PTPRD: variants seen among roughly 807,000 people sequenced by gnomAD.
PTPRD encodes receptor-type tyrosine-protein phosphatase delta.
PTPRD carries 34 observed loss-of-function variants against 214.5 expected under a neutral mutation model. That is an observed-to-expected ratio of 0.16 (90% CI 0.12 to 0.21). PTPRD has a LOEUF of 0.21. Among genes scored for constraint, PTPRD ranks in the 10% least tolerant of loss-of-function variants. The pLI is 1.00. For missense variants in PTPRD, 2,545 were observed against 2,398.7 expected (o/e 1.06, Z -1.27); for synonymous variants, 1,128 against 845.7 (o/e 1.33, Z -5.79).
intron 14 of PTPRD, among the ~76,000 whole-genome samples, chr9:8,597,766 T>C (rs1159317771): frequency 3.9e-5 from 6 of 152,186 alleles, no homozygotes; most frequent in Admixed American, 2.0e-4. Context: ...TTATGTGGCT[T>C]GGCATTCATA....
At chr9:8,733,601 G>A (rs377724813) in intron 12 of PTPRD, among the ~76,000 whole-genome samples, 179 bp downstream of exon 12, 1 of 152,214 alleles carries the variant, frequency 6.6e-6, no homozygotes, top group East Asian at 1.9e-4. Context: ...AGAGGAAATG[G>A]TGAGGAAGTC....
At chr9:9,803,511 C>A (rs1234214605) in intron 5 of PTPRD, among the ~76,000 whole-genome samples, 1 of 151,894 alleles carries the variant, frequency 6.6e-6, no homozygotes, top group Non-Finnish European at 1.5e-5. Context: ...AGTGATATTT[C>A]AACTTATCAT....
intron 14 of PTPRD, among the ~76,000 whole-genome samples, chr9:8,547,581 T>C (rs2080595688): frequency 6.8e-6 from 1 of 146,928 alleles, no homozygotes; most frequent in African/African-American, 2.5e-5. Flanking sequence ...AGGTTGAGGC[T>C]ACAGTGAGCC....
At chr9:10,464,508 G>A (rs2098980636) in intron 2 of PTPRD, among the ~76,000 whole-genome samples, 1 of 151,562 alleles carries the variant, frequency 6.6e-6, no homozygotes, top group African/African-American at 2.4e-5. Context: ...TGAAGATGAA[G>A]ATGAAGAGAA....
chr9:10,552,278 G>A (rs1445879987), intron 2 of PTPRD, among the ~76,000 whole-genome samples: 1 of 152,048 alleles, frequency 6.6e-6, no homozygotes, highest in Non-Finnish European at 1.5e-5. Context: ...AGAATTTAAG[G>A]TATCATCATT....
At chr9:8,860,771 C>T (rs1417839750) in intron 11 of PTPRD, 2 of 152,084 alleles carry the variant, frequency 1.3e-5, no homozygotes, top group African/African-American at 2.4e-5. Flanking sequence ...GAAATTACCT[C>T]GTTTTTACAG....
rs112589595 is a variant in PTPRD at position 8,860,931 on chromosome 9, C to G, written c.-103-126985G>C. On this transcript the variant is annotated intron_variant, in intron 11 of 45. Transcript: ENST00000381196. Reference sequence around the variant, plus strand: ...ATTCTGGATCAAAGAAGCCAGTTTTCCAACTTATCAATGAGCAATACATAT... The same window carrying G: ...ATTCTGGATCAAAGAAGCCAGTTTTGCAACTTATCAATGAGCAATACATAT... 376 of 152,258 alleles carry G rather than the reference C, an allele frequency of 2.5e-3. 1 individual carries two copies. Among genetic ancestry groups the G allele is most frequent in the African/African-American group, 8.7e-3 (360 of 41,550 alleles). 9.4% of individuals were successfully genotyped at this position (152,258 alleles called of 1,614,324 possible).
At chr9:10,376,826 G>C (rs552455699) in intron 2 of PTPRD, among the ~76,000 whole-genome samples, 2 of 151,862 alleles carry the variant, frequency 1.3e-5, no homozygotes, top group Admixed American at 1.3e-4. Context: ...TTTTGATACA[G>C]ATATGCAATG....
intron 4 of PTPRD, among the ~76,000 whole-genome samples, chr9:10,009,477 A>G (rs1413852404): frequency 1.3e-5 from 2 of 151,968 alleles, no homozygotes; most frequent in African/African-American, 4.8e-5. Context: ...CAATTGGTTG[A>G]AAGAGTTAAG....
At chr9:8,985,464 G>C (rs2099337559) in intron 11 of PTPRD, among the ~76,000 whole-genome samples, 1 of 151,956 alleles carries the variant, frequency 6.6e-6, no homozygotes. Flanking sequence ...GGTAACATTC[G>C]TGTGGAATTT....
chr9:10,362,230 A>C (rs1026072204), intron 2 of PTPRD, among the ~76,000 whole-genome samples: 1 of 152,264 alleles, frequency 6.6e-6, no homozygotes, highest in African/African-American at 2.4e-5. Flanking sequence ...CCATAACAGT[A>C]ACAATTTCTC....
chr9:10,467,091 T>C (rs1048767472), intron 2 of PTPRD, among the ~76,000 whole-genome samples: 1 of 152,188 alleles, frequency 6.6e-6, no homozygotes, highest in Admixed American at 6.5e-5. Context: ...TCAGAAGACA[T>C]TGCCAGTTGT....
At position 10,595,425 on chromosome 9, in the gene PTPRD, C is replaced by T. The variant is rs138597261; in HGVS notation, c.-600+16973G>A. 3.4e-3 allele frequency among the ~76,000 whole-genome samples: 509 copies of T among 151,694 alleles called. 2 individuals carry two copies. The highest frequency in any genetic ancestry group is 5.9e-3 in the Non-Finnish European group (403 of 67,786). ...GAAAAATCAGTGATAATTCAGTAAG[C>T]TTCTTGGCTCTAAATTTCTGCAAAG... On this transcript the variant is annotated intron_variant, in intron 2 of 45. Coordinates refer to ENST00000381196, the MANE Select transcript of PTPRD (RefSeq NM_002839.4).
chr9:8,701,178 A>T (rs940309852), intron 12 of PTPRD, among the ~76,000 whole-genome samples: 1 of 152,014 alleles, frequency 6.6e-6, no homozygotes, highest in Non-Finnish European at 1.5e-5. Flanking sequence ...AGAAAGTTAA[A>T]TTTTTATTTT....
intron 2 of PTPRD, among the ~76,000 whole-genome samples, chr9:10,448,112 G>T (rs906645398): frequency 6.6e-6 from 1 of 152,010 alleles, no homozygotes; most frequent in Admixed American, 6.5e-5. Context: ...TTACGCAATT[G>T]TAACTGAGGC....
At chr9:9,368,571 T>C (rs1271619458) in intron 9 of PTPRD, among the ~76,000 whole-genome samples, 5 of 151,900 alleles carry the variant, frequency 3.3e-5, no homozygotes, top group South Asian at 2.1e-4. Flanking sequence ...GCAATAAAGA[T>C]GACAGTTTGA....
chr9:10,453,555 T>C (rs544203209), intron 2 of PTPRD, among the ~76,000 whole-genome samples: 2 of 151,822 alleles, frequency 1.3e-5, no homozygotes, highest in African/African-American at 2.4e-5. Flanking sequence ...TTTATTTTTA[T>C]AGCTCTTGCA....
chr9:9,299,949 C>T (rs1399862917), intron 9 of PTPRD, among the ~76,000 whole-genome samples: 2 of 149,830 alleles, frequency 1.3e-5, no homozygotes, highest in Non-Finnish European at 3.0e-5. Flanking sequence ...AATATTCCTC[C>T]ACAGTATGTA....
chr9:10,372,690 A>G (rs184283826), intron 2 of PTPRD, among the ~76,000 whole-genome samples: 7 of 152,086 alleles, frequency 4.6e-5, no homozygotes, highest in African/African-American at 7.2e-5. Context: ...TACAAAATGG[A>G]TAACTTGTAA....
Sources: gnomAD v4.1 joint callset for allele counts (sites outside exome capture counted in the v4.1 genomes callset) on GRCh38, gnomAD v4.1.1 for gene constraint, MANE v1.5 for transcripts, NCBI Gene and HGNC (gene_info 2026-07-23, HGNC 2026-07-21) for gene names.